DDX6: variants seen among roughly 807,000 people sequenced by gnomAD.
DDX6 encodes probable ATP-dependent RNA helicase DDX6.
A neutral mutation model predicts 60.6 loss-of-function variants in DDX6; 7 were observed. The observed-to-expected ratio is 0.12, with a 90% CI of 0.07 to 0.22. The LOEUF (loss-of-function observed/expected upper bound fraction) is 0.22, where lower values mean the gene tolerates loss of function less well. Among genes scored for constraint, DDX6 ranks in the 10% least tolerant of loss-of-function variants. The pLI is 1.00. For synonymous variants in DDX6, 207 were observed against 201.0 expected, an observed-to-expected ratio of 1.03 and a Z score of -0.25; for missense variants, 270 against 589.9, an observed-to-expected ratio of 0.46 and a Z score of 5.62.
chr11:118,768,187 A>G (rs782764850), intron 5 of DDX6, 36 bp downstream of exon 5: 65 of 1,597,948 alleles, frequency 4.1e-5, no homozygotes, highest in Non-Finnish European at 5.4e-5. Flanking sequence ...TGAAACTCCC[A>G]TTTTTAGTTT....
intron 13 of DDX6, among the ~76,000 whole-genome samples, chr11:118,752,900 G>A (rs1357623702): frequency 6.6e-6 from 1 of 152,064 alleles, no homozygotes; most frequent in Non-Finnish European, 1.5e-5. Context: ...ACCAGCCGGG[G>A]CAACATAGTG....
rs1277516714 is a variant in DDX6, at chr11:118,749,129, G to A, written c.*2976C>T. On this transcript the variant is annotated 3_prime_UTR_variant, in exon 14 of 14. Coordinates refer to ENST00000534980, the MANE Select transcript of DDX6 (RefSeq NM_004397.6). ...TGGGGAAAGAAAAAACATAGGCCTA[G>A]AGGTGGTAAGGTGTGTAACAGTCCA... 6.6e-6 allele frequency: 1 copy of A among 152,030 alleles called. No homozygotes were observed. The highest frequency in any genetic ancestry group is 1.5e-5 in the Non-Finnish European group (1 of 67,996). 9.4% of individuals were successfully genotyped at this position (152,030 alleles called of 1,614,324 possible).
At chr11:118,783,010 G>A (rs941164250) in intron 2 of DDX6, among the ~76,000 whole-genome samples, 1 of 152,154 alleles carries the variant, frequency 6.6e-6, no homozygotes, top group African/African-American at 2.4e-5. Flanking sequence ...ACAAAATAGT[G>A]AATAATAATG....
intron 4 of DDX6, among the ~76,000 whole-genome samples, chr11:118,772,076 G>A (rs1300605036): frequency 6.6e-6 from 1 of 152,120 alleles, no homozygotes; most frequent in Non-Finnish European, 1.5e-5. Context: ...TAAGGTTAAA[G>A]CAGGGTCAGT....
chr11:118,780,489 G>GT (rs1388002930), intron 3 of DDX6, among the ~76,000 whole-genome samples: 1 of 152,044 alleles, frequency 6.6e-6, no homozygotes, highest in African/African-American at 2.4e-5. Context: ...ACTAATTTTT[G>GT]TATTTTTAGT....
At chr11:118,778,695 C>T (rs1306636340) in intron 4 of DDX6, among the ~76,000 whole-genome samples, 1 of 152,068 alleles carries the variant, frequency 6.6e-6, no homozygotes, top group Non-Finnish European at 1.5e-5. Context: ...GGAAAAACCA[C>T]ACAACATCTT....
rs1860734840 is a variant in DDX6 at position 118,750,815 on chromosome 11, GC to G, written c.*1289del. 6.6e-6 allele frequency: 1 copy of G among 152,178 alleles called. No individual in the cohort carries two copies. The highest frequency in any genetic ancestry group is 2.4e-5 in the African/African-American group (1 of 41,328). 9.4% of individuals were successfully genotyped at this position (152,178 alleles called of 1,614,324 possible). ...ATTATCAATGTTTTGAAGCTTCCTT[GC>G]TCTCTCTGGTAAACCTACTCCAAAG... On this transcript the variant is annotated 3_prime_UTR_variant, in exon 14 of 14. Transcript: ENST00000534980.
At chr11:118,782,998 C>T (rs1861950497) in intron 2 of DDX6, among the ~76,000 whole-genome samples, 1 of 152,052 alleles carries the variant, frequency 6.6e-6, no homozygotes, top group African/African-American at 2.4e-5. Flanking sequence ...CCGTTGAATT[C>T]AACAAAATAG....
chr11:118,768,434 C>T (rs1049723402), intron 4 of DDX6, 82 bp from the exon 5 acceptor site: 6 of 1,456,932 alleles, frequency 4.1e-6, no homozygotes, highest in Non-Finnish European at 5.7e-6. Flanking sequence ...TGAAGGATAC[C>T]TCTTTCGGTA....
At chr11:118,764,819 T>TACACAC (rs1236783513) in intron 6 of DDX6, among the ~76,000 whole-genome samples, 31 of 17,158 alleles carry the variant, frequency 1.8e-3, no homozygotes, top group Non-Finnish European at 4.1e-3. Context: ...AAAAAAAAAA[T>TACACAC]ATACACACAC....
intron 2 of DDX6, among the ~76,000 whole-genome samples, chr11:118,781,568 C>T (rs1192731252): frequency 2.6e-5 from 4 of 152,198 alleles, no homozygotes; most frequent in African/African-American, 9.7e-5. Flanking sequence ...AATCCACCTG[C>T]CTCGGCCTCC....
intron 7 of DDX6, among the ~76,000 whole-genome samples, chr11:118,760,596 G>A (rs1387222057): frequency 1.3e-5 from 2 of 152,072 alleles, no homozygotes; most frequent in Non-Finnish European, 2.9e-5. Context: ...GCCGAGGCGG[G>A]AGAATCACGA....
intron 2 of DDX6, among the ~76,000 whole-genome samples, chr11:118,783,403 A>G (rs1217956280): frequency 6.6e-6 from 1 of 152,146 alleles, no homozygotes; most frequent in Non-Finnish European, 1.5e-5. Context: ...TGCCCAGGTT[A>G]GTCTCAAACT....
chr11:118,754,947 G>GCAAGT, intron 12 of DDX6, 60 bp from the exon 13 acceptor site: 3 of 1,442,614 alleles, frequency 2.1e-6, no homozygotes, highest in Non-Finnish European at 2.8e-6. Flanking sequence ...TGTGAATTGT[G>GCAAGT]CAAGTCAAGC....
chr11:118,791,355 T>G (rs528306901), upstream of DDX6: 1 of 152,096 alleles, frequency 6.6e-6, no homozygotes, highest in South Asian at 2.1e-4. Flanking sequence ...GAAAGCTTCC[T>G]GAGGAGAAAA....
chr11:118,758,901 T>C lies in DDX6; in HGVS notation c.866A>G (p.Asn289Ser), dbSNP rs781957985. ...TFPLSVQKFM[N>S]SHLQKPYEIN... ...CTCATAGGGTTTCTGCAAATGGGAA[T>C]TCTGGGGGGGGAGCGGGAAAAAGAT... The change falls in exon 9 of 14, where the codon AAT (asparagine) becomes AGT (serine). Residue 289 changes from asparagine (N) to serine (S), a missense_variant and splice_region_variant. Around this residue, in one of 8 missense-constraint regions of DDX6, gnomAD observed 69 missense variants for 208.2 expected, o/e 0.33. Coordinates refer to ENST00000534980, the MANE Select transcript of DDX6 (RefSeq NM_004397.6). 46 of 1,613,338 alleles carry C rather than the reference T, an allele frequency of 2.9e-5. No individual in the cohort carries two copies. In the East Asian group the frequency reaches 1.0e-3, roughly 35 times the overall value.
At chr11:118,778,562 T>C (rs560278147) in intron 4 of DDX6, among the ~76,000 whole-genome samples, 1 of 152,180 alleles carries the variant, frequency 6.6e-6, no homozygotes, top group Non-Finnish European at 1.5e-5. Flanking sequence ...AGCCTGAACA[T>C]CTATCTTACT....
At chr11:118,775,387 T>A (rs913736968) in intron 4 of DDX6, among the ~76,000 whole-genome samples, 3 of 152,142 alleles carry the variant, frequency 2.0e-5, no homozygotes, top group African/African-American at 4.8e-5. Context: ...AATAAAAATT[T>A]AAAAAATTTT....
At chr11:118,757,972 A>G (rs1322318855) in intron 9 of DDX6, among the ~76,000 whole-genome samples, 1 of 152,140 alleles carries the variant, frequency 6.6e-6, no homozygotes, top group Non-Finnish European at 1.5e-5. Context: ...GGGCCAATTA[A>G]AACTGTGAAA....
Sources: allele counts gnomAD v4.1 joint callset (sites outside exome capture counted in the v4.1 genomes callset), GRCh38; gene constraint gnomAD v4.1.1; regional missense constraint gnomAD v4.1.1; transcripts MANE v1.5; gene names NCBI Gene and HGNC (gene_info 2026-07-23, HGNC 2026-07-21).